Variants in ANK2 observed in about 807,000 individuals in gnomAD.
ANK2 encodes the protein ankyrin-2.
A neutral mutation model predicts 360.5 loss-of-function variants in ANK2; 83 were observed. The ratio of observed to expected loss-of-function variants is 0.23; its 90% CI spans 0.19 to 0.28. The LOEUF is 0.28. Ranked by LOEUF, ANK2 falls within the 10% of genes least tolerant of loss-of-function variation. ANK2 has a pLI of 1.00. For synonymous variants in ANK2, 1,740 were observed against 1,759.5 expected (o/e 0.99, Z 0.28); for missense variants, 4,201 against 4,795.7 (o/e 0.88, Z 3.66).
intron 1 of ANK2, among the ~76,000 whole-genome samples, chr4:113,095,107 A>G (rs776541677): frequency 2.0e-5 from 3 of 152,198 alleles, no homozygotes; most frequent in Non-Finnish European, 2.9e-5. Flanking sequence ...TCAAAAATGG[A>G]AGGTGAGAAC....
chr4:113,378,935 A>C (rs918482277), intron 45 of ANK2, among the ~76,000 whole-genome samples: 1 of 152,138 alleles, frequency 6.6e-6, no homozygotes, highest in Non-Finnish European at 1.5e-5. Context: ...GTGAAAAGAC[A>C]CAATGGAAAT....
chr4:112,873,651 C>T (rs1406490071), intron 1 of ANK2, among the ~76,000 whole-genome samples: 1 of 151,146 alleles, frequency 6.6e-6, no homozygotes, highest in Non-Finnish European at 1.5e-5. Flanking sequence ...ATTCTCCTGC[C>T]TCAGCCTCCC....
chr4:113,150,239 A>G (rs1178919554), intron 1 of ANK2, among the ~76,000 whole-genome samples: 2 of 152,190 alleles, frequency 1.3e-5, no homozygotes, highest in Non-Finnish European at 2.9e-5. Context: ...TGAGGCTAGC[A>G]GAACCCCATC....
chr4:113,291,679 A>G (rs1191814658), intron 20 of ANK2, among the ~76,000 whole-genome samples: 2 of 152,202 alleles, frequency 1.3e-5, no homozygotes, highest in Non-Finnish European at 2.9e-5. Flanking sequence ...GCCCAGGACA[A>G]CTGGGTCTGA....
At chr4:112,879,664 A>G (rs2076182403) in intron 1 of ANK2, among the ~76,000 whole-genome samples, 1 of 152,180 alleles carries the variant, frequency 6.6e-6, no homozygotes, top group South Asian at 2.1e-4. Context: ...ATACATTTTT[A>G]TATGTATTGA....
rs2082481679 is a variant in ANK2, at chr4:112,898,885, A to C, written c.-39-5570A>C. 2.6e-5 allele frequency among the ~76,000 whole-genome samples: 4 copies of C among 152,208 alleles called. 1 individual carries two copies. The South Asian group carries it at 8.3e-4, about 32-fold the overall frequency. On this transcript the variant is annotated intron_variant, in intron 1 of 30. Transcript: ENST00000503271. ...ATGGTATTTTTCTCTGGGATGTGTC[A>C]GCTCCATGAAGAAATTGCTGCCCTA... is the stretch of plus-strand genomic sequence containing the variant.
intron 14 of ANK2, among the ~76,000 whole-genome samples, chr4:113,271,072 G>A (rs1203143451): frequency 6.6e-6 from 1 of 152,158 alleles, no homozygotes; most frequent in African/African-American, 2.4e-5. Context: ...TGGTGACAGA[G>A]TTAAGATAAG....
intron 2 of ANK2, among the ~76,000 whole-genome samples, chr4:113,013,746 C>T (rs2055592010): frequency 3.9e-5 from 6 of 151,918 alleles, no homozygotes; most frequent in Admixed American, 3.9e-4. Context: ...CATTTTTTTT[C>T]CCCTCAAACA....
Position 113,102,660 on chromosome 4 carries a change from G to A in ANK2, c.84+52848G>A, listed in dbSNP as rs140258895. On this transcript the variant is annotated intron_variant, in intron 1 of 45. Coordinates refer to ENST00000357077, the MANE Select transcript of ANK2 (RefSeq NM_001148.6). ...TAAGAAAAGAAAATTCCAAAAGAAG[G>A]AAGAATGTCCAACTGTGAAGTGCTG... Among the ~76,000 whole-genome samples, 63 of 152,234 alleles carry A rather than the reference G, an allele frequency of 4.1e-4. 1 individual carries two copies. In the East Asian group the frequency reaches 7.9e-3, roughly 19 times the overall value.
intron 1 of ANK2, among the ~76,000 whole-genome samples, chr4:113,069,707 G>A (rs1409743576): frequency 2.0e-5 from 3 of 152,132 alleles, no homozygotes; most frequent in Non-Finnish European, 2.9e-5. Context: ...GGGCACATGT[G>A]AGTCATTGCT....
intron 1 of ANK2, among the ~76,000 whole-genome samples, chr4:113,116,490 C>G (rs1479055449): frequency 6.6e-6 from 1 of 152,222 alleles, no homozygotes; most frequent in African/African-American, 2.4e-5. Context: ...CCGGCTACTT[C>G]TAGCCCTTCC....
intron 2 of ANK2, among the ~76,000 whole-genome samples, chr4:113,043,660 A>G (rs1579844369): frequency 6.6e-6 from 1 of 152,180 alleles, no homozygotes; most frequent in Non-Finnish European, 1.5e-5. Flanking sequence ...ACTGATAACA[A>G]AAGTATAAAA....
At chr4:112,769,175 G>T in the ANK2 span, among the ~76,000 whole-genome samples, 1 of 151,946 alleles carries the variant, frequency 6.6e-6, no homozygotes, top group Non-Finnish European at 1.5e-5. Context: ...TGTTTGTCAT[G>T]TCCCTCCAGC....
At chr4:113,002,318 T>A (rs1161785024) in intron 2 of ANK2, among the ~76,000 whole-genome samples, 1 of 152,198 alleles carries the variant, frequency 6.6e-6, no homozygotes, top group Non-Finnish European at 1.5e-5. Context: ...AACCCAAATG[T>A]CCAACAATGG....
chr4:112,971,466 G>A (rs1000399986), intron 2 of ANK2, among the ~76,000 whole-genome samples: 1 of 152,202 alleles, frequency 6.6e-6, no homozygotes, highest in African/African-American at 2.4e-5. Context: ...CAAAATTAGT[G>A]TGAGGAACCA....
At chr4:113,229,463 T>G (rs182352706) in intron 4 of ANK2, among the ~76,000 whole-genome samples, 96 of 152,334 alleles carry the variant, frequency 6.3e-4, no homozygotes, top group Non-Finnish European at 1.2e-3. Flanking sequence ...CATCTCAAAA[T>G]TTTTAACTTC....
chr4:113,314,111 A>T (rs1204888578), intron 24 of ANK2, among the ~76,000 whole-genome samples: 1 of 152,218 alleles, frequency 6.6e-6, no homozygotes, highest in Non-Finnish European at 1.5e-5. Context: ...AAATACATAC[A>T]ATTTAATGTA....
intron 1 of ANK2, among the ~76,000 whole-genome samples, chr4:113,170,989 G>A (rs545132233): frequency 5.9e-5 from 9 of 152,322 alleles, no homozygotes; most frequent in African/African-American, 2.2e-4. Context: ...GGGACATAAA[G>A]CAGCAAAGCA....
At chr4:112,999,984 C>G (rs1017416458) in intron 2 of ANK2, among the ~76,000 whole-genome samples, 1 of 152,096 alleles carries the variant, frequency 6.6e-6, no homozygotes, top group Non-Finnish European at 1.5e-5. Flanking sequence ...ACATGTAACT[C>G]ATGAAAGACA....
Sources: gnomAD v4.1 joint callset for allele counts (sites outside exome capture counted in the v4.1 genomes callset) on GRCh38, gnomAD v4.1.1 for gene constraint, MANE v1.5 for transcripts, NCBI Gene and HGNC (gene_info 2026-07-23, HGNC 2026-07-21) for gene names.